CDYL2: variants seen among roughly 807,000 people sequenced by gnomAD.
The protein encoded by CDYL2 is chromodomain Y like 2.
Under a neutral mutation model 49.4 loss-of-function variants are expected in CDYL2, and 23 were observed. The observed-to-expected ratio is 0.47, with a 90% CI of 0.34 to 0.66. The LOEUF (loss-of-function observed/expected upper bound fraction) is 0.66. CDYL2 is among the 30% of genes least tolerant of loss of function. The pLI is 0.01. For missense variants in CDYL2, 678 were observed against 656.4 expected, an observed-to-expected ratio of 1.03 and a Z score of -0.36; for synonymous variants, 360 against 268.8, an observed-to-expected ratio of 1.34 and a Z score of -3.32.
intron 1 of CDYL2, among the ~76,000 whole-genome samples, chr16:80,696,744 G>C (rs561988550): frequency 1.3e-5 from 2 of 150,186 alleles, no homozygotes; most frequent in East Asian, 3.9e-4. Flanking sequence ...TCCCAACAAA[G>C]AAAAGTCCAG....
At chr16:80,797,654 T>C (rs1030145059) in intron 1 of CDYL2, among the ~76,000 whole-genome samples, 1 of 152,230 alleles carries the variant, frequency 6.6e-6, no homozygotes, top group African/African-American at 2.4e-5. Flanking sequence ...GTTTATTTCA[T>C]GTAAAATAAA....
chr16:80,747,928 T>C (rs1905988209), intron 1 of CDYL2, among the ~76,000 whole-genome samples: 1 of 151,968 alleles, frequency 6.6e-6, no homozygotes, highest in African/African-American at 2.4e-5. Context: ...AAACCTTTCC[T>C]GAATTCTCAG....
At chr16:80,748,165 A>AATAATAATAATG (rs1905999795) in intron 1 of CDYL2, among the ~76,000 whole-genome samples, 2 of 146,858 alleles carry the variant, frequency 1.4e-5, no homozygotes, top group Admixed American at 1.4e-4. Flanking sequence ...TAATAATAAT[A>AATAATAATAATG]ATATAAAGAA....
intron 1 of CDYL2, among the ~76,000 whole-genome samples, chr16:80,794,051 C>T (rs1567608347): frequency 6.6e-6 from 1 of 152,048 alleles, no homozygotes; most frequent in Non-Finnish European, 1.5e-5. Flanking sequence ...TCTAATTGAT[C>T]CTGAAGTTTG....
chr16:80,696,719 T>TA (rs1220465295), intron 1 of CDYL2, among the ~76,000 whole-genome samples: 3,369 of 140,878 alleles, frequency 0.024, 49 homozygotes, highest in Non-Finnish European at 0.035. Context: ...GGAAGAGTAA[T>TA]AAAAAAAAAA....
chr16:80,735,522 G>C (rs971968530), intron 1 of CDYL2, among the ~76,000 whole-genome samples: 2 of 152,174 alleles, frequency 1.3e-5, no homozygotes, highest in African/African-American at 4.8e-5. Context: ...CTGAATGTGA[G>C]TGATTAATAC....
chr16:80,774,788 A>T (rs1484854847), intron 1 of CDYL2, among the ~76,000 whole-genome samples: 1 of 152,202 alleles, frequency 6.6e-6, no homozygotes, highest in South Asian at 2.1e-4. Context: ...CAAGGTCAAT[A>T]GGAAGGTCAG....
In CDYL2 at chr16:80,795,500, T is replaced by C. The variant is rs552816503; in HGVS notation, c.24+8650A>G. 3.3e-5 allele frequency among the ~76,000 whole-genome samples: 5 copies of C among 152,152 alleles called. No homozygotes were observed. The South Asian group carries it at 1.0e-3, about 32-fold the overall frequency. On this transcript the variant is annotated intron_variant, in intron 1 of 6. Coordinates refer to ENST00000570137, the MANE Select transcript of CDYL2 (RefSeq NM_152342.4). The stretch of plus-strand genomic sequence containing the variant: ...ACTGGAGTGGTGTGACCTTTGGAGG[T>C]AGCAGCTTCTACTCGCTGGCTAAGG...
chr16:80,775,626 G>A (rs1473284927), intron 1 of CDYL2, among the ~76,000 whole-genome samples: 2 of 151,604 alleles, frequency 1.3e-5, no homozygotes, highest in African/African-American at 4.8e-5. Flanking sequence ...AAGGAAAAAA[G>A]GAAAGAATGA....
At chr16:80,783,512 C>G (rs1597132063) in intron 1 of CDYL2, among the ~76,000 whole-genome samples, 1 of 152,260 alleles carries the variant, frequency 6.6e-6, no homozygotes, top group East Asian at 1.9e-4. Flanking sequence ...GCCAAAAGAA[C>G]TGAATCAAGG....
chr16:80,678,505 G>C (rs1326589381), intron 2 of CDYL2, among the ~76,000 whole-genome samples: 1 of 152,060 alleles, frequency 6.6e-6, no homozygotes, highest in Non-Finnish European at 1.5e-5. Context: ...AAAGACACAT[G>C]AAAAAATGCT....
At chr16:80,694,077 A>C (rs1019714136) in intron 1 of CDYL2, among the ~76,000 whole-genome samples, 23 of 152,238 alleles carry the variant, frequency 1.5e-4, no homozygotes, top group Non-Finnish European at 3.1e-4. Context: ...CATGGAAGAC[A>C]ATTTTTCCAC....
Position 80,788,576 on chromosome 16 carries a change from T to C in CDYL2, c.24+15574A>G, listed in dbSNP as rs149693007. On this transcript the variant is annotated intron_variant, in intron 1 of 6. Transcript: ENST00000570137. ...GCACAGGTGCAAGACAGTGCTATGA[T>C]AGAAGTATCATCTACCAACAAAAGG... Among the ~76,000 whole-genome samples the C allele has an allele frequency of 6.1e-3, 927 of 152,358 alleles. 12 individuals carry two copies. The highest frequency in any genetic ancestry group is 0.021 in the African/African-American group (886 of 41,590).
chr16:80,735,525 A>G (rs1905490323), intron 1 of CDYL2, among the ~76,000 whole-genome samples: 1 of 152,158 alleles, frequency 6.6e-6, no homozygotes, highest in South Asian at 2.1e-4. Flanking sequence ...AATGTGAGTG[A>G]TTAATACCAT....
chr16:80,651,252 A>G (rs897409991), intron 2 of CDYL2, among the ~76,000 whole-genome samples: 8 of 152,228 alleles, frequency 5.3e-5, no homozygotes, highest in Non-Finnish European at 1.2e-4. Context: ...AACCACAAAA[A>G]TTAAAAATAA....
chr16:80,661,054 T>A (rs895356457), intron 2 of CDYL2, among the ~76,000 whole-genome samples: 2 of 152,048 alleles, frequency 1.3e-5, no homozygotes, highest in Admixed American at 1.3e-4. Flanking sequence ...ACTTCTACCA[T>A]GCAAATAAGT....
chr16:80,738,262 A>G (rs1213179883), intron 1 of CDYL2, among the ~76,000 whole-genome samples: 3 of 152,148 alleles, frequency 2.0e-5, no homozygotes. Context: ...TATCCAGTCT[A>G]TCACTGGTGG....
chr16:80,633,386 G>T, intron 2 of CDYL2, 150 bp from the exon 3 acceptor site: 1 of 744,644 alleles, frequency 1.3e-6, no homozygotes, highest in Non-Finnish European at 2.2e-6. Flanking sequence ...GTTCTAGGAA[G>T]AGGGAAGGTG....
intron 1 of CDYL2, among the ~76,000 whole-genome samples, chr16:80,701,082 C>G (rs1335925539): frequency 6.6e-6 from 1 of 152,170 alleles, no homozygotes; most frequent in Non-Finnish European, 1.5e-5. Flanking sequence ...AAAATCTGCA[C>G]AAACCCTTGA....
Sources: allele counts gnomAD v4.1 joint callset (sites outside exome capture counted in the v4.1 genomes callset), GRCh38; gene constraint gnomAD v4.1.1; transcripts MANE v1.5; gene names NCBI Gene and HGNC (gene_info 2026-07-23, HGNC 2026-07-21).